Variants in DNAAF1 observed in about 807,000 individuals in gnomAD.
DNAAF1 encodes dynein axonemal assembly factor 1, also known as dynein assembly factor 1, axonemal.
A neutral mutation model predicts 71.1 loss-of-function variants in DNAAF1; 65 were observed. The observed-to-expected ratio is 0.91, with a 90% CI of 0.75 to 1.12. DNAAF1 has a LOEUF of 1.12. Ranked by LOEUF, DNAAF1 falls within the 50% of genes most tolerant of loss-of-function variation. DNAAF1 has a pLI of 0.00. For missense variants in DNAAF1, 1,178 were observed against 899.8 expected (o/e 1.31, Z -3.96); for synonymous variants, 414 against 354.6 (o/e 1.17, Z -1.88).
At chr16:84,174,396 A>G (rs1206774284) in intron 9 of DNAAF1, 1 of 1,348,246 alleles carries the variant, frequency 7.4e-7, no homozygotes, top group Non-Finnish European at 9.6e-7. Context: ...GTCTCTTAAT[A>G]AAAAAGCAGA....
chr16:84,148,286 C>G (rs1002293070), intron 1 of DNAAF1, among the ~76,000 whole-genome samples: 5 of 151,970 alleles, frequency 3.3e-5, no homozygotes, highest in Non-Finnish European at 7.4e-5. Context: ...TTGAAACTTG[C>G]TTTTTTCACT....
intron 1 of DNAAF1, among the ~76,000 whole-genome samples, chr16:84,147,030 C>T (rs2086946772): frequency 6.6e-6 from 1 of 152,166 alleles, no homozygotes; most frequent in Non-Finnish European, 1.5e-5. Context: ...CAAGTTGAGG[C>T]TCAGCAGCTG....
intron 8 of DNAAF1, among the ~76,000 whole-genome samples, chr16:84,172,027 G>A (rs558085459): frequency 2.0e-4 from 30 of 152,118 alleles, no homozygotes; most frequent in African/African-American, 4.8e-4. Flanking sequence ...ACAGGTGCCC[G>A]CCACCACACC....
intron 1 of DNAAF1, among the ~76,000 whole-genome samples, chr16:84,147,299 G>C (rs888293044): frequency 5.3e-5 from 8 of 152,076 alleles, no homozygotes; most frequent in African/African-American, 1.9e-4. Flanking sequence ...AAATTGATGA[G>C]TTTAAGAACC....
intron 9 of DNAAF1, 61 bp downstream of exon 9, chr16:84,172,436 T>C: frequency 1.3e-6 from 2 of 1,592,402 alleles, no homozygotes; most frequent in Non-Finnish European, 1.7e-6. Context: ...AAATAGGTAA[T>C]CAGATGCAGA....
intron 10 of DNAAF1, chr16:84,175,579 C>G (rs2288018): frequency 0.15 from 47,034 of 309,234 alleles, 4,919 homozygotes; most frequent in African/African-American, 0.35. Context: ...CTGTGGGGGG[C>G]CTGCTGTCCA....
intron 5 of DNAAF1, among the ~76,000 whole-genome samples, chr16:84,157,141 T>C (rs563683629): frequency 6.6e-6 from 1 of 152,296 alleles, no homozygotes; most frequent in Admixed American, 6.5e-5. Context: ...CTTTCTTTTT[T>C]TCAGTATCAT....
At chr16:84,166,156 C>G (rs1362256402) in intron 7 of DNAAF1, among the ~76,000 whole-genome samples, 1 of 148,354 alleles carries the variant, frequency 6.7e-6, no homozygotes, top group Non-Finnish European at 1.5e-5. Flanking sequence ...CGGGTTCAAG[C>G]AATTCTCGTG....
chr16:84,147,054 C>T (rs2086948469), intron 1 of DNAAF1, among the ~76,000 whole-genome samples: 1 of 152,150 alleles, frequency 6.6e-6, no homozygotes. Context: ...AGCTTTATGG[C>T]TGTTGGCCCA....
chr16:84,158,567 G>A (rs1219153212), intron 5 of DNAAF1, among the ~76,000 whole-genome samples: 1 of 152,182 alleles, frequency 6.6e-6, no homozygotes, highest in Non-Finnish European at 1.5e-5. Context: ...CAGAACGAAA[G>A]CAGGTTGCTT....
At position 84,177,745 on chromosome 16, in the gene DNAAF1, C is replaced by T. The variant is rs769877978; in HGVS notation, c.2082C>T (p.Ala694=). 72 of 1,613,830 alleles carry T rather than the reference C, an allele frequency of 4.5e-5. No individual in the cohort carries two copies. The highest frequency in any genetic ancestry group is 4.3e-4 in the African/African-American group (32 of 74,896). ...AASSPVPTES[A]ATPPETCVGV... ...CTTCCACAGTGCCGACTGAGAGCGCCGCCACACCCCCAGAGACGTGTGTCG... is the reference window on the plus strand; with the variant it reads ...CTTCCACAGTGCCGACTGAGAGCGCTGCCACACCCCCAGAGACGTGTGTCG... The change falls in exon 12 of 12, where the codon GCC becomes GCT. Residue 694 remains alanine (A), a synonymous_variant. Coordinates refer to ENST00000378553, the MANE Select transcript of DNAAF1 (RefSeq NM_178452.6).
At position 84,176,199 on chromosome 16, in the gene DNAAF1, C is replaced by G. The variant is rs1567570642; in HGVS notation, c.1965C>G (p.Pro655=). ...TCCAGGAGCTCAGCGACGAGGACCC[C>G]TCTGGCCAGCTACTGATGCCCCCCA... ...PLIQELSDED[P]SGQLLMPPTC... is the part of the protein sequence containing the mutation. Residue 655 remains proline (P), a synonymous_variant, in exon 11 of 12, where the codon CCC becomes CCG. Coordinates refer to ENST00000378553, the MANE Select transcript of DNAAF1 (RefSeq NM_178452.6). 3 of 1,613,926 alleles carry G rather than the reference C, an allele frequency of 1.9e-6. No homozygotes were observed. The highest frequency in any genetic ancestry group is 1.6e-4 in the Middle Eastern group (1 of 6,062).
intron 1 of DNAAF1, among the ~76,000 whole-genome samples, chr16:84,148,596 C>CTCTCTTTTTTTTTTTTTT: frequency 3.0e-4 from 13 of 43,566 alleles, no homozygotes; most frequent in African/African-American, 1.1e-3. Context: ...CTCTCTCTCT[C>CTCTCTTTTTTTTTTTTTT]TTTTTTTTTT....
At chr16:84,154,526 C>A in intron 3 of DNAAF1, 51 bp from the exon 4 acceptor site, 1 of 1,543,196 alleles carries the variant, frequency 6.5e-7, no homozygotes, top group Non-Finnish European at 8.9e-7. Flanking sequence ...GACCGTGACC[C>A]CTCTGCCCTG....
intron 6 of DNAAF1, among the ~76,000 whole-genome samples, chr16:84,162,828 A>C (rs893905339): frequency 1.3e-5 from 2 of 151,968 alleles, no homozygotes; most frequent in African/African-American, 4.8e-5. Flanking sequence ...AAAAAACAAA[A>C]AAAAAAGAAA....
At chr16:84,172,471 G>T (rs1396486759) in intron 9 of DNAAF1, 96 bp downstream of exon 9, 1 of 1,547,378 alleles carries the variant, frequency 6.5e-7, no homozygotes, top group African/African-American at 1.4e-5. Context: ...GATACCCCAA[G>T]TGTGGTCCTT....
chr16:84,170,250 A>G lies in DNAAF1; in HGVS notation c.1422A>G (p.Leu474=). The change falls in exon 8 of 12, where the codon CTA becomes CTG. Residue 474 remains leucine (L), a synonymous_variant. Coordinates refer to ENST00000378553, the MANE Select transcript of DNAAF1 (RefSeq NM_178452.6). ...PEGTLPAETL[L]LSPPVKVKGE... is the part of the protein sequence containing the mutation. ...GGACCCTCCCAGCTGAGACCCTGCT[A>G]CTGTCACCGCCTGTGAAGGTTAAAG... is the stretch of plus-strand genomic sequence containing the variant. The G allele has an allele frequency of 6.2e-7, 1 of 1,610,004 alleles. No homozygotes were observed. The highest frequency in any genetic ancestry group is 1.3e-5 in the African/African-American group (1 of 74,728).
At chr16:84,176,968 ACAAG>A (rs2151284552) in intron 11 of DNAAF1, 1 of 167,066 alleles carries the variant, frequency 6.0e-6, no homozygotes, top group South Asian at 1.5e-4. Context: ...AGTGCTGAGA[ACAAG>A]CAAGCTGGGA....
intron 3 of DNAAF1, among the ~76,000 whole-genome samples, chr16:84,154,155 G>GT (rs1186144567): frequency 6.6e-6 from 1 of 152,180 alleles, no homozygotes; most frequent in African/African-American, 2.4e-5. Flanking sequence ...TTGAGCTGCT[G>GT]TAACAAGAAA....
Sources: gnomAD v4.1 joint callset for allele counts (sites outside exome capture counted in the v4.1 genomes callset) on GRCh38, gnomAD v4.1.1 for gene constraint, MANE v1.5 for transcripts, NCBI Gene and HGNC (gene_info 2026-07-23, HGNC 2026-07-21) for gene names.